Variants in GPR137C observed in about 807,000 individuals in gnomAD.
GPR137C encodes integral membrane protein GPR137C.
A neutral mutation model predicts 43.4 loss-of-function variants in GPR137C; 27 were observed. The observed-to-expected ratio is 0.62, with a 90% CI of 0.46 to 0.86. The LOEUF is 0.86. GPR137C is among the 40% of genes least tolerant of loss of function. GPR137C has a pLI of 0.00. For synonymous variants in GPR137C, 285 were observed against 226.9 expected, an observed-to-expected ratio of 1.26 and a Z score of -2.30; for missense variants, 522 against 534.6, an observed-to-expected ratio of 0.98 and a Z score of 0.23.
chr14:52,626,223 G>T (rs946346798), intron 3 of GPR137C, among the ~76,000 whole-genome samples: 2 of 152,098 alleles, frequency 1.3e-5, no homozygotes, highest in Non-Finnish European at 2.9e-5. Flanking sequence ...CCAATCCATG[G>T]ATACTGACAG....
chr14:52,594,000 A>G (rs1007940319), intron 1 of GPR137C, among the ~76,000 whole-genome samples: 1 of 152,148 alleles, frequency 6.6e-6, no homozygotes, highest in African/African-American at 2.4e-5. Context: ...CACTGCTTTA[A>G]ATGTGTCCCA....
intron 2 of GPR137C, 54 bp downstream of exon 2, chr14:52,598,369 A>G (rs1306229752): frequency 1.2e-5 from 9 of 745,066 alleles, no homozygotes; most frequent in East Asian, 2.8e-5. Flanking sequence ...GCATTAATTC[A>G]TTAATATTAA....
At position 52,609,991 on chromosome 14, in the gene GPR137C, A is replaced by C. The variant is rs2039021594; in HGVS notation, c.717+9650A>C. Among the ~76,000 whole-genome samples the C allele has an allele frequency of 1.3e-5, 2 of 152,200 alleles. 1 individual carries two copies. Among genetic ancestry groups the C allele is most frequent in the South Asian group, 4.1e-4 (2 of 4,834 alleles). On this transcript the variant is annotated intron_variant, in intron 3 of 6. Transcript: ENST00000321662. ...TCACCGCAAAACATACACTAAGTTT[A>C]TTCCAGCCATATAGACTTTGTATTG...
intron 1 of GPR137C, among the ~76,000 whole-genome samples, chr14:52,585,813 C>T (rs180989710): frequency 2.0e-5 from 3 of 151,648 alleles, no homozygotes; most frequent in East Asian, 1.9e-4. Flanking sequence ...CCAACCTGGG[C>T]GATAGAGGGA....
chr14:52,603,983 T>C (rs1378622952), intron 3 of GPR137C, among the ~76,000 whole-genome samples: 1 of 152,190 alleles, frequency 6.6e-6, no homozygotes, highest in Non-Finnish European at 1.5e-5. Context: ...TGATAACCCA[T>C]TGTGGTTTTG....
intron 3 of GPR137C, among the ~76,000 whole-genome samples, chr14:52,610,522 T>A (rs749304487): frequency 6.6e-6 from 1 of 152,208 alleles, no homozygotes; most frequent in African/African-American, 2.4e-5. Context: ...ATTACTATTT[T>A]GTTAATTTCT....
At chr14:52,582,070 C>T (rs961964907) in intron 1 of GPR137C, among the ~76,000 whole-genome samples, 1 of 152,124 alleles carries the variant, frequency 6.6e-6, no homozygotes, top group African/African-American at 2.4e-5. Context: ...TATAAGAAAA[C>T]AAATTTATTT....
intron 1 of GPR137C, among the ~76,000 whole-genome samples, chr14:52,594,703 A>G (rs1282210780): frequency 6.6e-6 from 1 of 151,754 alleles, no homozygotes; most frequent in Non-Finnish European, 1.5e-5. Flanking sequence ...TTTTGAGTCT[A>G]TGTGTGTCTC....
chr14:52,592,697 G>C (rs1004335436), intron 1 of GPR137C, among the ~76,000 whole-genome samples: 16 of 152,206 alleles, frequency 1.1e-4, no homozygotes, highest in Non-Finnish European at 2.2e-4. Context: ...CTGAGACTTT[G>C]CTGAAGTTGC....
intron 3 of GPR137C, chr14:52,612,749 A>C (rs62005396): frequency 0.016 from 2,198 of 140,652 alleles, 29 homozygotes; most frequent in Non-Finnish European, 0.024. Context: ...TTTTCTTTGG[A>C]GAGAACAAGT....
At chr14:52,564,402 C>T (rs922440596) in intron 1 of GPR137C, among the ~76,000 whole-genome samples, 1 of 152,048 alleles carries the variant, frequency 6.6e-6, no homozygotes, top group Admixed American at 6.6e-5. Context: ...AACTATGCTC[C>T]TCATTCCTCA....
At chr14:52,594,855 G>A (rs1344995355) in intron 1 of GPR137C, among the ~76,000 whole-genome samples, 1 of 152,260 alleles carries the variant, frequency 6.6e-6, no homozygotes, top group African/African-American at 2.4e-5. Context: ...ATTTGATCCT[G>A]TCATTATGAT....
chr14:52,629,820 T>G (rs1472207613), intron 3 of GPR137C, among the ~76,000 whole-genome samples: 1 of 152,204 alleles, frequency 6.6e-6, no homozygotes, highest in Non-Finnish European at 1.5e-5. Context: ...ATATCTGCGT[T>G]CTAAAAGTAT....
chr14:52,570,907 A>G (rs1013864562), intron 1 of GPR137C, among the ~76,000 whole-genome samples: 2 of 152,194 alleles, frequency 1.3e-5, no homozygotes, highest in African/African-American at 4.8e-5. Flanking sequence ...TTAACACCCC[A>G]CTGTCCATAT....
chr14:52,562,991 C>T (rs933349042), intron 1 of GPR137C, among the ~76,000 whole-genome samples: 1 of 152,188 alleles, frequency 6.6e-6, no homozygotes, highest in Non-Finnish European at 1.5e-5. Flanking sequence ...TTTCTCACTT[C>T]TCCAGCTTCT....
At position 52,554,680 on chromosome 14, in the gene GPR137C, A is replaced by G. The variant is rs536698007; in HGVS notation, c.444+1089A>G. ...CTAATCCTCTCAAAGGCTTTTTTGG[A>G]GGTGATGGAATTAATGTAGTTCCAA... On this transcript the variant is annotated intron_variant, in intron 1 of 6. Transcript: ENST00000321662. 6.6e-5 allele frequency among the ~76,000 whole-genome samples: 10 copies of G among 150,784 alleles called. No individual in the cohort carries two copies. The South Asian group carries it at 2.1e-3, about 32-fold the overall frequency.
chr14:52,596,135 G>A (rs1427367473), intron 1 of GPR137C, among the ~76,000 whole-genome samples: 1 of 152,138 alleles, frequency 6.6e-6, no homozygotes, highest in Non-Finnish European at 1.5e-5. Context: ...ATTTGCCTGG[G>A]TATCACCAGG....
intron 3 of GPR137C, among the ~76,000 whole-genome samples, chr14:52,609,695 G>C (rs2039018110): frequency 6.6e-6 from 1 of 152,164 alleles, no homozygotes; most frequent in African/African-American, 2.4e-5. Context: ...CCAATTTCTG[G>C]CCCAGATGGA....
intron 3 of GPR137C, among the ~76,000 whole-genome samples, chr14:52,618,266 C>A (rs1475629032): frequency 3.3e-5 from 5 of 152,118 alleles, no homozygotes; most frequent in African/African-American, 1.2e-4. Flanking sequence ...ATTTTTGGAA[C>A]AAATATGAAA....
Sources: allele counts gnomAD v4.1 joint callset (sites outside exome capture counted in the v4.1 genomes callset), GRCh38; gene constraint gnomAD v4.1.1; transcripts MANE v1.5; gene names NCBI Gene and HGNC (gene_info 2026-07-23, HGNC 2026-07-21).